The following DOCK2 variants were observed in gnomAD, a reference collection of about 807,000 sequenced individuals.
The protein encoded by DOCK2 is dedicator of cytokinesis protein 2.
DOCK2 carries 87 observed loss-of-function variants against 248.9 expected under a neutral mutation model. That is an observed-to-expected ratio of 0.35 (90% confidence interval 0.29 to 0.42). The LOEUF is 0.42. DOCK2 is among the 10% of genes least tolerant of loss of function. The pLI is 1.00. For missense variants in DOCK2, 1,747 were observed against 2,300.2 expected, an observed-to-expected ratio of 0.76 and a Z score of 4.92; for synonymous variants, 805 against 821.6, an observed-to-expected ratio of 0.98 and a Z score of 0.35.
At chr5:169,708,666 G>C (rs1761414697) in intron 15 of DOCK2, among the ~76,000 whole-genome samples, 1 of 151,698 alleles carries the variant, frequency 6.6e-6, no homozygotes, top group South Asian at 2.1e-4. Flanking sequence ...CCAGGTTCTA[G>C]TGATTCTCCT....
chr5:169,912,616 A>T (rs1418587082), intron 27 of DOCK2, among the ~76,000 whole-genome samples: 1 of 122,682 alleles, frequency 8.2e-6, no homozygotes, highest in Non-Finnish European at 1.7e-5. Flanking sequence ...TGTGTGGTGG[A>T]GTGTATGTGT....
chr5:169,837,915 AT>A (rs1266310693), intron 26 of DOCK2, among the ~76,000 whole-genome samples: 1 of 152,138 alleles, frequency 6.6e-6, no homozygotes, highest in African/African-American at 2.4e-5. Context: ...AGAAATGGCT[AT>A]TTAAAAGAAG....
chr5:169,994,337 T>C, intron 29 of DOCK2, among the ~76,000 whole-genome samples: 1 of 152,254 alleles, frequency 6.6e-6, no homozygotes, highest in East Asian at 1.9e-4. Context: ...TACTGAGTCA[T>C]ACAAGTAAAT....
intron 27 of DOCK2, among the ~76,000 whole-genome samples, chr5:169,978,298 G>A (rs1777791473): frequency 1.5e-5 from 2 of 133,558 alleles, no homozygotes; most frequent in Non-Finnish European, 3.1e-5. Flanking sequence ...TATTTTGTTT[G>A]TTTGTTTCCC....
intron 26 of DOCK2, among the ~76,000 whole-genome samples, chr5:169,835,180 C>T (rs951418615): frequency 2.0e-5 from 3 of 150,676 alleles, no homozygotes; most frequent in African/African-American, 7.3e-5. Flanking sequence ...AAAATTATAC[C>T]GTAAGTGTAT....
At chr5:169,803,739 G>A (rs2113135117) in intron 26 of DOCK2, among the ~76,000 whole-genome samples, 1 of 152,298 alleles carries the variant, frequency 6.6e-6, no homozygotes, top group Non-Finnish European at 1.5e-5. Flanking sequence ...TGTGTATTTT[G>A]TAGACGTCAT....
chr5:169,657,613 C>T (rs1758196186), intron 2 of DOCK2, among the ~76,000 whole-genome samples: 1 of 152,194 alleles, frequency 6.6e-6, no homozygotes, highest in South Asian at 2.1e-4. Context: ...TTTCCTCCAA[C>T]CACTTCCTTC....
chr5:169,851,573 A>G (rs1056512765), intron 27 of DOCK2, among the ~76,000 whole-genome samples: 1 of 152,216 alleles, frequency 6.6e-6, no homozygotes, highest in Non-Finnish European at 1.5e-5. Context: ...TGCTGTTGCC[A>G]TGAAAGTTTC....
intron 36 of DOCK2, 73 bp from the exon 37 acceptor site, chr5:170,040,982 C>A: frequency 7.3e-7 from 1 of 1,362,336 alleles, no homozygotes; most frequent in Non-Finnish European, 1.0e-6. Flanking sequence ...GTTCTCTGGG[C>A]TCCTGCTTGT....
At chr5:169,931,741 T>C (rs889011493) in intron 27 of DOCK2, among the ~76,000 whole-genome samples, 2 of 152,152 alleles carry the variant, frequency 1.3e-5, no homozygotes, top group Admixed American at 1.3e-4. Flanking sequence ...AGAAGGTGGC[T>C]GGCACTGTGC....
intron 6 of DOCK2, among the ~76,000 whole-genome samples, chr5:169,677,091 A>G (rs1301343796): frequency 6.6e-6 from 1 of 152,152 alleles, no homozygotes; most frequent in Non-Finnish European, 1.5e-5. Flanking sequence ...AGAAACCAAC[A>G]CAGGTGCCTC....
chr5:169,638,138 T>C (rs1194891688), intron 1 of DOCK2, among the ~76,000 whole-genome samples: 1 of 151,980 alleles, frequency 6.6e-6, no homozygotes. Flanking sequence ...AAATATCAAA[T>C]AAAAAGTCAC....
chr5:169,721,335 A>T (rs1326686437), intron 22 of DOCK2, among the ~76,000 whole-genome samples: 1 of 152,192 alleles, frequency 6.6e-6, no homozygotes, highest in Non-Finnish European at 1.5e-5. Flanking sequence ...ATGAACAGAA[A>T]TGTAGGCTGA....
intron 29 of DOCK2, among the ~76,000 whole-genome samples, chr5:169,992,957 G>A (rs922019834): frequency 2.0e-5 from 3 of 152,122 alleles, no homozygotes; most frequent in Non-Finnish European, 4.4e-5. Flanking sequence ...AAATCAATTC[G>A]CGGTCATTAG....
intron 1 of DOCK2, among the ~76,000 whole-genome samples, chr5:169,644,619 CT>C (rs748896053): frequency 7.4e-3 from 1,034 of 139,674 alleles, no homozygotes; most frequent in African/African-American, 7.7e-3. Context: ...TACCACGGTA[CT>C]TTTTTTTTTT....
chr5:169,772,938 T>C (rs1381400554), intron 25 of DOCK2: 6 of 152,194 alleles, frequency 3.9e-5, no homozygotes, highest in African/African-American at 1.4e-4. Context: ...TGCTGGAGCG[T>C]TTCATTTCTT....
At chr5:169,854,206 G>A (rs71605733) in intron 27 of DOCK2, among the ~76,000 whole-genome samples, 1 of 144,430 alleles carries the variant, frequency 6.9e-6, no homozygotes, top group Non-Finnish European at 1.5e-5. Context: ...TTTTTTTTGA[G>A]ACAAAGTCTC....
At chr5:169,886,986 C>T (rs1005592684) in intron 27 of DOCK2, among the ~76,000 whole-genome samples, 7 of 152,120 alleles carry the variant, frequency 4.6e-5, no homozygotes, top group Non-Finnish European at 8.8e-5. Flanking sequence ...GATCAGTTCC[C>T]CACTTTATAA....
chr5:169,874,269 TG>T (rs773687322), intron 27 of DOCK2, among the ~76,000 whole-genome samples: 1 of 151,814 alleles, frequency 6.6e-6, no homozygotes, highest in Non-Finnish European at 1.5e-5. Context: ...AAAAATTAGC[TG>T]GGTGTGGTGG....
Sources: gnomAD v4.1 joint callset for allele counts (sites outside exome capture counted in the v4.1 genomes callset) on GRCh38, gnomAD v4.1.1 for gene constraint, MANE v1.5 for transcripts, NCBI Gene and HGNC (gene_info 2026-07-23, HGNC 2026-07-21) for gene names.